Variants in CACNA1C observed in about 807,000 individuals in gnomAD.
CACNA1C encodes the protein calcium voltage-gated channel subunit alpha1 C, also known as voltage-dependent L-type calcium channel subunit alpha-1C.
In CACNA1C, 30 loss-of-function variants were observed where a neutral mutation model predicts 229.0. The ratio of observed to expected loss-of-function variants is 0.13; its 90% CI spans 0.10 to 0.18. The LOEUF (loss-of-function observed/expected upper bound fraction) is 0.18. Among genes scored for constraint, CACNA1C ranks in the 10% least tolerant of loss-of-function variants. The probability of loss-of-function intolerance (pLI) is 1.00; values close to 1 mark genes in which losing one functional copy is unlikely to be tolerated. For missense variants in CACNA1C, 1,658 were observed against 2,845.0 expected, an observed-to-expected ratio of 0.58 and a Z score of 9.49; for synonymous variants, 1,114 against 1,132.5, an observed-to-expected ratio of 0.98 and a Z score of 0.33.
chr12:2,191,929 C>G (rs1303156575), intron 3 of CACNA1C, among the ~76,000 whole-genome samples: 2 of 152,098 alleles, frequency 1.3e-5, no homozygotes, highest in Admixed American at 6.6e-5. Context: ...CAGGCACACA[C>G]CTACACATGG....
intron 29 of CACNA1C, among the ~76,000 whole-genome samples, chr12:2,626,413 C>T (rs535698493): frequency 3.3e-5 from 5 of 152,146 alleles, no homozygotes; most frequent in Admixed American, 6.5e-5. Flanking sequence ...GGCAGGCAGG[C>T]GGTTTTGAAG....
At position 2,410,824 on chromosome 12, in the gene CACNA1C, C is replaced by T. The variant is rs1567526524; in HGVS notation, c.478-38152C>T. Among the ~76,000 whole-genome samples, 1 of 151,834 alleles carries T rather than the reference C, an allele frequency of 6.6e-6. No homozygotes were observed. The highest frequency in any genetic ancestry group is 2.4e-5 in the African/African-American group (1 of 41,288). On this transcript the variant is annotated intron_variant, in intron 3 of 46. Transcript: ENST00000399655. This position sits in a 1 kb window ranked among gnomAD's most constrained non-coding sequence, Gnocchi z 5.3. Reference sequence around the variant, plus strand: ...ATGTGTGTGTGTGCGTGTGCATGTGCGTGTGTGTGTTTCAGGAGCTGACCC... The same window carrying T: ...ATGTGTGTGTGTGCGTGTGCATGTGTGTGTGTGTGTTTCAGGAGCTGACCC...
intron 1 of CACNA1C, among the ~76,000 whole-genome samples, chr12:1,995,516 T>G (rs1275118540): frequency 6.6e-6 from 1 of 152,260 alleles, no homozygotes; most frequent in African/African-American, 2.4e-5. Context: ...ACTGCTCTTC[T>G]GAGACTGTGA....
intron 4 of CACNA1C, among the ~76,000 whole-genome samples, chr12:2,449,633 A>G (rs1046072762): frequency 6.6e-6 from 1 of 152,248 alleles, no homozygotes; most frequent in Admixed American, 6.5e-5. Context: ...GACAGGGGCT[A>G]TGACCCAAGA....
intron 7 of CACNA1C, among the ~76,000 whole-genome samples, chr12:2,501,573 G>C (rs561828180): frequency 6.6e-6 from 1 of 152,356 alleles, no homozygotes; most frequent in Non-Finnish European, 1.5e-5. Flanking sequence ...GGGACCTGCA[G>C]ACCACAGCCC....
At chr12:2,470,981 G>A (rs1236424054) in intron 5 of CACNA1C, among the ~76,000 whole-genome samples, 1 of 152,078 alleles carries the variant, frequency 6.6e-6, no homozygotes, top group Non-Finnish European at 1.5e-5. Flanking sequence ...ATAGGCATGT[G>A]CCACCACGCC....
chr12:2,294,230 T>C (rs1371935568), intron 3 of CACNA1C, among the ~76,000 whole-genome samples: 1 of 152,112 alleles, frequency 6.6e-6, no homozygotes, highest in Non-Finnish European at 1.5e-5. Context: ...GGAGGATGTA[T>C]TTGAGCTTCA....
intron 7 of CACNA1C, among the ~76,000 whole-genome samples, chr12:2,500,973 G>A (rs568051070): frequency 5.3e-5 from 8 of 151,800 alleles, no homozygotes; most frequent in Admixed American, 6.6e-5. Context: ...TTGGGAGGCC[G>A]AGGTGGGCGG....
intron 3 of CACNA1C, among the ~76,000 whole-genome samples, chr12:2,341,316 C>T (rs1172630178): frequency 6.6e-6 from 1 of 152,150 alleles, no homozygotes; most frequent in Non-Finnish European, 1.5e-5. Context: ...GGCACTTGGT[C>T]ATTGTTTTCC....
intron 1 of CACNA1C, among the ~76,000 whole-genome samples, chr12:1,979,365 A>G (rs987950707): frequency 2.6e-5 from 4 of 151,972 alleles, no homozygotes; most frequent in Admixed American, 6.6e-5. Flanking sequence ...CCCAGGCTGG[A>G]GTGCAGTGGT....
At chr12:2,112,053 T>A (rs1312728987) in intron 1 of CACNA1C, among the ~76,000 whole-genome samples, 1 of 152,136 alleles carries the variant, frequency 6.6e-6, no homozygotes, top group Non-Finnish European at 1.5e-5. Flanking sequence ...TGTGCGTGCA[T>A]GTGGAGTGTG....
intron 5 of CACNA1C, among the ~76,000 whole-genome samples, chr12:2,480,865 C>T (rs1435154709): frequency 6.6e-6 from 1 of 152,144 alleles, no homozygotes; most frequent in Non-Finnish European, 1.5e-5. Context: ...AAAAGCAGAG[C>T]GTCAATGTGG....
At chr12:2,361,426 T>C (rs1567240171) in intron 3 of CACNA1C, among the ~76,000 whole-genome samples, 2 of 152,192 alleles carry the variant, frequency 1.3e-5, no homozygotes, top group East Asian at 1.9e-4. Context: ...CTGTAGGCTA[T>C]AATTTAAGGA....
chr12:2,512,167 A>G lies in CACNA1C; in HGVS notation c.1218-645A>G, dbSNP rs764132627. Among the ~76,000 whole-genome samples, 10 of 152,174 alleles carry G rather than the reference A, an allele frequency of 6.6e-5. No homozygotes were observed. The highest frequency in any genetic ancestry group is 1.5e-4 in the Non-Finnish European group (10 of 68,032). On this transcript the variant is annotated intron_variant, in intron 8 of 46. Coordinates refer to ENST00000399655, the MANE Select transcript of CACNA1C (RefSeq NM_000719.7). The surrounding 1 kb of genome is among the most constrained non-coding windows in gnomAD (Gnocchi z 4.3). ...GTGGTATACTGGTAAATATTTAACA[A>G]TTGGCTCTCTATGGGGAAAGCCCTG...
chr12:2,244,074 T>C (rs2071865070), intron 3 of CACNA1C, among the ~76,000 whole-genome samples: 1 of 152,244 alleles, frequency 6.6e-6, no homozygotes, highest in Non-Finnish European at 1.5e-5. Flanking sequence ...GAAGCATCTC[T>C]GGAGAGCTCC....
At position 2,566,162 on chromosome 12, in the gene CACNA1C, T is replaced by A. The variant is rs761430366; in HGVS notation, c.1509-260T>A. Among the ~76,000 whole-genome samples, 2 of 152,190 alleles carry A rather than the reference T, an allele frequency of 1.3e-5. No individual in the cohort carries two copies. The highest frequency in any genetic ancestry group is 1.5e-5 in the Non-Finnish European group (1 of 68,028). ...CAAAGCAGCCAGATGCATTATAAGG[T>A]ATTTGATCCATCCCCACAATAACCC... On this transcript the variant is annotated intron_variant, in intron 11 of 46. Transcript: ENST00000399655. This position sits in a 1 kb window ranked among gnomAD's most constrained non-coding sequence, Gnocchi z 4.0.
Position 2,571,021 on chromosome 12 carries a change from T to C in CACNA1C, c.1895+3227T>C, listed in dbSNP as rs2054091899. Among the ~76,000 whole-genome samples the C allele has an allele frequency of 1.3e-5, 2 of 152,214 alleles. 1 individual carries two copies. ...ATCAGCAATGATTACCATGCACCAG[T>C]GCTTACTCTGTGCCAGATAGGGTGA... On this transcript the variant is annotated intron_variant, in intron 13 of 46. Transcript: ENST00000399655.
Position 2,682,290 on chromosome 12 carries a change from T to TG in CACNA1C, c.5445-256dup, listed in dbSNP as rs34318156. On this transcript the variant is annotated intron_variant, in intron 42 of 46. Transcript: ENST00000399655. ...GACTTGGACCAGAGGGTAAGTGGAT[T>TG]GGGGTCAGGACTCCTGGATCCACAG... Among the ~76,000 whole-genome samples the TG allele has an allele frequency of 0.06, 9,131 of 152,182 alleles. 371 individuals are homozygous for TG. The highest frequency in any genetic ancestry group is 0.12 in the Admixed American group (1,880 of 15,296).
chr12:2,193,890 T>G (rs1465547346), intron 3 of CACNA1C, among the ~76,000 whole-genome samples: 1 of 152,198 alleles, frequency 6.6e-6, no homozygotes, highest in Non-Finnish European at 1.5e-5. Flanking sequence ...TGTCTTGGTA[T>G]TGAAGACAGT....
Sources: allele counts gnomAD v4.1 joint callset (sites outside exome capture counted in the v4.1 genomes callset), GRCh38; gene constraint gnomAD v4.1.1; non-coding constraint Gnocchi (gnomAD v3.1); transcripts MANE v1.5; gene names NCBI Gene and HGNC (gene_info 2026-07-23, HGNC 2026-07-21).